The following GRIA1 variants were observed in gnomAD, a reference collection of about 807,000 sequenced individuals.
The protein encoded by GRIA1 is glutamate receptor 1.
Under a neutral mutation model 99.2 loss-of-function variants are expected in GRIA1, and 31 were observed. That is an observed-to-expected ratio of 0.31 (90% CI 0.23 to 0.42). GRIA1 has a LOEUF of 0.42. Among genes scored for constraint, GRIA1 ranks in the 10% least tolerant of loss-of-function variants. The probability of loss-of-function intolerance (pLI) is 1.00; values close to 1 mark genes in which losing one functional copy is unlikely to be tolerated. For synonymous variants in GRIA1, 438 were observed against 432.4 expected (o/e 1.01, Z -0.16); for missense variants, 782 against 1,157.5 (o/e 0.68, Z 4.71).
At chr5:153,614,638 T>G (rs1324922945) in intron 2 of GRIA1, among the ~76,000 whole-genome samples, 1 of 152,234 alleles carries the variant, frequency 6.6e-6, no homozygotes, top group African/African-American at 2.4e-5. Context: ...TTCATTAATA[T>G]TCATTGAGAG....
chr5:153,727,786 ATCG>A (rs1156819926), intron 11 of GRIA1, among the ~76,000 whole-genome samples: 4 of 152,116 alleles, frequency 2.6e-5, no homozygotes, highest in African/African-American at 9.7e-5. Context: ...AAGAATCAAT[ATCG>A]TGAAAATGGC....
chr5:153,774,082 AC>A lies in GRIA1; in HGVS notation c.2270+3668del, dbSNP rs1253366783. On this transcript the variant is annotated intron_variant, in intron 13 of 15. Coordinates refer to ENST00000285900, the MANE Select transcript of GRIA1 (RefSeq NM_000827.4). ...ACACCCCAACCCCCCCTCCCCCCACACACACACACACACTCCAGCCAAGTTT... is the reference window on the plus strand; with the variant it reads ...ACACCCCAACCCCCCCTCCCCCCACAACACACACACACTCCAGCCAAGTTT... Among the ~76,000 whole-genome samples, 35 of 93,498 alleles carry A rather than the reference AC, an allele frequency of 3.7e-4. 1 individual carries two copies. The highest frequency in any genetic ancestry group is 1.1e-3 in the African/African-American group (26 of 24,092). The allele number at this position is 93,498 out of a possible 152,430, so 61.3% of individuals were successfully genotyped here. A position where few individuals can be genotyped will look rare whatever the true frequency, so the allele number is the denominator to read the frequency against.
At chr5:153,607,042 G>GATATATATATATAT (rs59233877) in intron 2 of GRIA1, among the ~76,000 whole-genome samples, 68 of 127,766 alleles carry the variant, frequency 5.3e-4, no homozygotes, top group South Asian at 1.3e-3. Context: ...TATCACAAAA[G>GATATATATATATAT]ATATATATAT....
At chr5:153,572,474 C>A (rs1384573624) in intron 2 of GRIA1, among the ~76,000 whole-genome samples, 1 of 152,112 alleles carries the variant, frequency 6.6e-6, no homozygotes, top group African/African-American at 2.4e-5. Context: ...CTCTTCTGCC[C>A]AGAGTGCTTT....
intron 10 of GRIA1, among the ~76,000 whole-genome samples, chr5:153,703,478 C>T (rs1758674438): frequency 6.6e-6 from 1 of 152,188 alleles, no homozygotes; most frequent in Non-Finnish European, 1.5e-5. Flanking sequence ...GGTATGGTGG[C>T]TCACACCTGT....
chr5:153,661,395 C>T (rs1329883262), intron 5 of GRIA1, among the ~76,000 whole-genome samples: 1 of 152,166 alleles, frequency 6.6e-6, no homozygotes, highest in African/African-American at 2.4e-5. Flanking sequence ...ATATTATGTA[C>T]ATTCTTATAG....
intron 2 of GRIA1, among the ~76,000 whole-genome samples, chr5:153,593,512 A>C (rs910641299): frequency 3.7e-4 from 57 of 152,216 alleles, no homozygotes; most frequent in African/African-American, 1.4e-3. Flanking sequence ...ATACCTTCAC[A>C]ACCAAGCCAA....
intron 2 of GRIA1, among the ~76,000 whole-genome samples, chr5:153,602,428 C>T (rs924127057): frequency 6.6e-6 from 1 of 151,594 alleles, no homozygotes; most frequent in African/African-American, 2.4e-5. Flanking sequence ...ATACCTAATG[C>T]TAAATGACGA....
At chr5:153,788,164 T>A (rs886959728) in intron 13 of GRIA1, among the ~76,000 whole-genome samples, 7 of 151,922 alleles carry the variant, frequency 4.6e-5, no homozygotes, top group African/African-American at 1.5e-4. Context: ...CTCTCTCATC[T>A]CCACAAATGG....
intron 8 of GRIA1, among the ~76,000 whole-genome samples, chr5:153,696,040 C>A (rs955680908): frequency 2.0e-5 from 3 of 152,120 alleles, no homozygotes; most frequent in Non-Finnish European, 4.4e-5. Context: ...AACAGCTAGA[C>A]CCAGTGTTCT....
intron 11 of GRIA1, among the ~76,000 whole-genome samples, chr5:153,738,879 C>A (rs991757027): frequency 6.6e-6 from 1 of 151,828 alleles, no homozygotes; most frequent in Non-Finnish European, 1.5e-5. Flanking sequence ...TGCACCACCA[C>A]GTCCGGCTAA....
At chr5:153,774,748 T>C (rs1343979047) in intron 13 of GRIA1, among the ~76,000 whole-genome samples, 2 of 152,232 alleles carry the variant, frequency 1.3e-5, no homozygotes, top group Admixed American at 1.3e-4. Context: ...ATCAGATAAC[T>C]GACATCTAAG....
chr5:153,752,167 G>A (rs751169745), intron 11 of GRIA1, among the ~76,000 whole-genome samples: 1 of 152,140 alleles, frequency 6.6e-6, no homozygotes, highest in Non-Finnish European at 1.5e-5. Context: ...AATACAGAAG[G>A]GGTGGCTCAG....
rs895098581 is a variant in GRIA1 at position 153,601,991 on chromosome 5, C to T, written c.221-44937C>T. Among the ~76,000 whole-genome samples, 11 of 152,292 alleles carry T rather than the reference C, an allele frequency of 7.2e-5. No individual in the cohort carries two copies. In the South Asian group the frequency reaches 1.0e-3, roughly 14 times the overall value. On this transcript the variant is annotated intron_variant, in intron 2 of 15. Transcript: ENST00000285900. ...TAGCTGTGCCCTCCATTGTCTGTGT[C>T]ATGTCAGCATTGCAGTTAAGACTTA...
chr5:153,771,420 T>C (rs1763875744), intron 13 of GRIA1, among the ~76,000 whole-genome samples: 1 of 152,196 alleles, frequency 6.6e-6, no homozygotes, highest in South Asian at 2.1e-4. Flanking sequence ...TCCACTTTAT[T>C]CATTTATCTT....
At chr5:153,595,351 C>A (rs1309094087) in intron 2 of GRIA1, among the ~76,000 whole-genome samples, 1 of 152,168 alleles carries the variant, frequency 6.6e-6, no homozygotes, top group Non-Finnish European at 1.5e-5. Flanking sequence ...TAAAATCTTA[C>A]ATTAGTGTGG....
chr5:153,643,062 A>T (rs568504888), intron 2 of GRIA1, among the ~76,000 whole-genome samples: 1 of 152,288 alleles, frequency 6.6e-6, no homozygotes, highest in Admixed American at 6.5e-5. Flanking sequence ...CAGGAGGGGG[A>T]CAGTGCAGGA....
At chr5:153,700,681 G>A (rs1212645739) in intron 10 of GRIA1, among the ~76,000 whole-genome samples, 4 of 152,128 alleles carry the variant, frequency 2.6e-5, no homozygotes, top group Admixed American at 6.5e-5. Flanking sequence ...GGACCACCAC[G>A]GCTTCACTCA....
At chr5:153,584,591 C>T (rs978957899) in intron 2 of GRIA1, among the ~76,000 whole-genome samples, 2 of 152,162 alleles carry the variant, frequency 1.3e-5, no homozygotes, top group African/African-American at 4.8e-5. Flanking sequence ...AATGATAGAG[C>T]TCTAGGGGAC....
Sources: gnomAD v4.1 joint callset for allele counts (sites outside exome capture counted in the v4.1 genomes callset) on GRCh38, gnomAD v4.1.1 for gene constraint, MANE v1.5 for transcripts, NCBI Gene and HGNC (gene_info 2026-07-23, HGNC 2026-07-21) for gene names.